The following SPATA1 variants were observed in gnomAD, a reference collection of about 807,000 sequenced individuals.
The protein encoded by SPATA1 is spermatogenesis-associated protein 1.
A neutral mutation model predicts 59.6 loss-of-function variants in SPATA1; 57 were observed. The ratio of observed to expected loss-of-function variants is 0.96; its 90% CI spans 0.77 to 1.19. The LOEUF is 1.19. SPATA1 is among the 50% of genes most tolerant of loss of function. The pLI is 0.00. For synonymous variants in SPATA1, 147 were observed against 163.9 expected (o/e 0.90, Z 0.79); for missense variants, 448 against 480.7 (o/e 0.93, Z 0.64).
chr1:84,563,570 T>C (rs1684633966), intron 4 of SPATA1: 7 of 672,482 alleles, frequency 1.0e-5, no homozygotes, highest in Middle Eastern at 4.5e-4. Context: ...CATTATTAAA[T>C]GAAAATGTAT....
At chr1:84,510,725 C>T (rs145837437) in intron 1 of SPATA1, among the ~76,000 whole-genome samples, 149 of 152,306 alleles carry the variant, frequency 9.8e-4, no homozygotes, top group African/African-American at 3.5e-3. Context: ...TACTGCAGCA[C>T]TATTCACAAT....
chr1:84,553,862 G>A (rs1225503845), exon 13 of SPATA1: 1 of 152,030 alleles, frequency 6.6e-6, no homozygotes, highest in Non-Finnish European at 1.5e-5. Context: ...AACTAATAAG[G>A]GCAGCACAAT....
chr1:84,545,784 T>G, intron 10 of SPATA1, 25 bp downstream of exon 10: 1 of 1,429,860 alleles, frequency 7.0e-7, no homozygotes, highest in African/African-American at 1.5e-5. Flanking sequence ...ATACCTTTTA[T>G]CACTATAAAG....
chr1:84,538,981 T>C (rs1025055017), intron 8 of SPATA1, among the ~76,000 whole-genome samples: 4 of 148,690 alleles, frequency 2.7e-5, no homozygotes, highest in African/African-American at 1.0e-4. Context: ...TGTATTTTTT[T>C]GTAGAGTTGG....
At chr1:84,516,372 C>G in exon 2 of SPATA1, 1 of 1,517,150 alleles carries the variant, frequency 6.6e-7, no homozygotes, top group Non-Finnish European at 8.8e-7. Context: ...GTCACTCAAT[C>G]CAAGTCGACC....
chr1:84,564,121 T>C (rs1684645259), intron 4 of SPATA1, among the ~76,000 whole-genome samples: 1 of 152,188 alleles, frequency 6.6e-6, no homozygotes, highest in Non-Finnish European at 1.5e-5. Flanking sequence ...TTCAGGAAAG[T>C]ATGCTAATTA....
intron 6 of SPATA1, among the ~76,000 whole-genome samples, chr1:84,529,576 CTT>C (rs761561650): frequency 0.013 from 1,208 of 91,174 alleles, 11 homozygotes; most frequent in African/African-American, 0.051. Flanking sequence ...GGTAATATGC[CTT>C]TTTTTTTTTT....
At chr1:84,535,026 C>T (rs1570430940) in intron 8 of SPATA1, among the ~76,000 whole-genome samples, 2 of 152,264 alleles carry the variant, frequency 1.3e-5, no homozygotes, top group East Asian at 3.9e-4. Flanking sequence ...AACCACGAAT[C>T]TCAAAATTTT....
intron 6 of SPATA1, 189 bp downstream of exon 6, chr1:84,526,262 G>A (rs1683219896): frequency 4.2e-6 from 2 of 480,852 alleles, no homozygotes; most frequent in South Asian, 3.6e-5. Flanking sequence ...AACAATTTAA[G>A]TACTATGTTA....
intron 6 of SPATA1, among the ~76,000 whole-genome samples, chr1:84,529,576 C>A (rs956829727): frequency 2.2e-5 from 2 of 91,362 alleles, no homozygotes; most frequent in Admixed American, 2.9e-4. Context: ...GGTAATATGC[C>A]TTTTTTTTTT....
intron 4 of SPATA1, among the ~76,000 whole-genome samples, chr1:84,562,818 C>A (rs1215274968): frequency 6.6e-6 from 1 of 151,980 alleles, no homozygotes; most frequent in Admixed American, 6.5e-5. Flanking sequence ...ATTGTAAAGT[C>A]GATTATGACA....
chr1:84,551,190 T>C (rs1684260375), intron 12 of SPATA1: 23 of 985,280 alleles, frequency 2.3e-5, no homozygotes, highest in Non-Finnish European at 2.8e-5. Context: ...TACATTTTCA[T>C]ACAAGTACCC....
At chr1:84,526,391 G>A (rs1309000718) in intron 6 of SPATA1, among the ~76,000 whole-genome samples, 2 of 152,156 alleles carry the variant, frequency 1.3e-5, no homozygotes, top group African/African-American at 4.8e-5. Context: ...AAGGAAAGGT[G>A]ACTGCATAAA....
At chr1:84,516,285 A>T in exon 2 of SPATA1, 2 of 1,279,646 alleles carry the variant, frequency 1.6e-6, no homozygotes, top group Non-Finnish European at 2.1e-6. Context: ...TTTATTTAGT[A>T]CTACTTAAAT....
intron 1 of SPATA1, among the ~76,000 whole-genome samples, chr1:84,509,364 C>T (rs778727380): frequency 3.9e-5 from 6 of 152,278 alleles, no homozygotes; most frequent in Admixed American, 3.3e-4. Context: ...ACTGAATATC[C>T]GTATTAGAAG....
At chr1:84,531,033 A>G (rs190028016) in intron 6 of SPATA1, among the ~76,000 whole-genome samples, 9 of 152,272 alleles carry the variant, frequency 5.9e-5, no homozygotes, top group Admixed American at 5.9e-4. Flanking sequence ...ACTGAGTTCT[A>G]CATTATTGTT....
chr1:84,557,283 A>G (rs1003423994), downstream of SPATA1, among the ~76,000 whole-genome samples: 1 of 152,196 alleles, frequency 6.6e-6, no homozygotes, highest in African/African-American at 2.4e-5. Flanking sequence ...CTGTAATCCC[A>G]GCATTTTGGG....
intron 1 of SPATA1, among the ~76,000 whole-genome samples, chr1:84,512,022 A>G (rs1205958104): frequency 6.6e-6 from 1 of 152,038 alleles, no homozygotes; most frequent in East Asian, 1.9e-4. Context: ...AGACAGGTTA[A>G]CCTTTAAATT....
At chr1:84,563,820 T>C in intron 4 of SPATA1, 2 of 1,606,560 alleles carry the variant, frequency 1.2e-6, no homozygotes, top group Non-Finnish European at 1.7e-6. Flanking sequence ...CATCTTGATG[T>C]AGTCATTATA....
Sources: allele counts gnomAD v4.1 joint callset (sites outside exome capture counted in the v4.1 genomes callset), GRCh38; gene constraint gnomAD v4.1.1; transcripts MANE v1.5; gene names NCBI Gene and HGNC (gene_info 2026-07-23, HGNC 2026-07-21).